The following BAALC variants were observed in gnomAD, a reference collection of about 807,000 sequenced individuals.
BAALC encodes the protein brain and acute leukemia cytoplasmic protein.
Under a neutral mutation model 15.5 loss-of-function variants are expected in BAALC, and 9 were observed. The ratio of observed to expected loss-of-function variants is 0.58; its 90% CI spans 0.35 to 1.02. The LOEUF is 1.02. Ranked by LOEUF, BAALC falls within the 50% of genes least tolerant of loss-of-function variation. BAALC has a pLI of 0.02. For synonymous variants in BAALC, 80 were observed against 74.6 expected (o/e 1.07, Z -0.37); for missense variants, 201 against 192.4 (o/e 1.04, Z -0.27).
intron 1 of BAALC, 68 bp downstream of exon 1, chr8:103,141,125 G>C: frequency 1.5e-6 from 2 of 1,370,950 alleles, no homozygotes; most frequent in Non-Finnish European, 1.9e-6. Flanking sequence ...CGGGCACTGA[G>C]AGAGGAGCCG....
At chr8:103,212,592 T>C (rs1477343529) in intron 1 of BAALC, among the ~76,000 whole-genome samples, 1 of 152,148 alleles carries the variant, frequency 6.6e-6, no homozygotes, top group Non-Finnish European at 1.5e-5. Context: ...ATTATGAAAA[T>C]GTGGAAACAA....
chr8:103,150,237 C>T (rs1207869004), intron 1 of BAALC, among the ~76,000 whole-genome samples: 3 of 152,146 alleles, frequency 2.0e-5, no homozygotes, highest in Non-Finnish European at 2.9e-5. Flanking sequence ...TCCCACCTGG[C>T]CCCTCCCACA....
chr8:103,204,673 T>C (rs543663997), intron 1 of BAALC, among the ~76,000 whole-genome samples: 4 of 152,232 alleles, frequency 2.6e-5, no homozygotes, highest in Non-Finnish European at 4.4e-5. Context: ...TGAAAAACTA[T>C]TCTTTACCCA....
rs562123438 is a variant in BAALC at position 103,215,504 on chromosome 8, C to T, written c.327+2419C>T. ...AGACAACACCCTCCCGCCACCCCCA[C>T]CACTGCCACCATGGTCAGCTGTAAC... On this transcript the variant is annotated intron_variant, in intron 2 of 2. Coordinates refer to ENST00000309982, the MANE Select transcript of BAALC (RefSeq NM_024812.3). Among the ~76,000 whole-genome samples the T allele has an allele frequency of 1.6e-4, 25 of 152,334 alleles. 1 individual carries two copies. The highest frequency in any genetic ancestry group is 1.5e-3 in the Admixed American group (23 of 15,306).
At chr8:103,158,579 A>T (rs1170366199) in intron 1 of BAALC, among the ~76,000 whole-genome samples, 1 of 152,182 alleles carries the variant, frequency 6.6e-6, no homozygotes, top group Non-Finnish European at 1.5e-5. Context: ...AAGCACCATG[A>T]TACCTGGACA....
Position 103,200,808 on chromosome 8 carries a change from A to G in BAALC, c.161-12111A>G, listed in dbSNP as rs1294768754. The G allele has an allele frequency of 4.6e-6, 3 of 647,742 alleles. No individual in the cohort carries two copies. The Admixed American group carries it at 6.1e-5, about 13-fold the overall frequency. 40.1% of individuals were successfully genotyped at this position (647,742 alleles called of 1,614,324 possible). On this transcript the variant is annotated intron_variant, in intron 1 of 2. Coordinates refer to ENST00000309982, the MANE Select transcript of BAALC (RefSeq NM_024812.3). ...CAACCTCTTTTATAAGGGCACCAAT[A>G]TCGTTCATGAAGACAGAACCGTCAT...
At chr8:103,157,742 G>A (rs1482886858) in intron 1 of BAALC, among the ~76,000 whole-genome samples, 2 of 152,162 alleles carry the variant, frequency 1.3e-5, no homozygotes, top group African/African-American at 4.8e-5. Flanking sequence ...GGGAGGCAGA[G>A]GTTACAGTGA....
At chr8:103,185,252 G>A (rs934738517) in intron 1 of BAALC, among the ~76,000 whole-genome samples, 4 of 151,860 alleles carry the variant, frequency 2.6e-5, no homozygotes, top group East Asian at 1.9e-4. Context: ...TAACCATTCC[G>A]AACTCTCCCG....
At chr8:103,178,369 T>C (rs1308118270) in intron 1 of BAALC, among the ~76,000 whole-genome samples, 1 of 152,146 alleles carries the variant, frequency 6.6e-6, no homozygotes, top group Non-Finnish European at 1.5e-5. Context: ...TAGGATTAAG[T>C]ACAAATATAC....
intron 1 of BAALC, among the ~76,000 whole-genome samples, chr8:103,199,806 T>A (rs1812175085): frequency 3.4e-5 from 4 of 118,180 alleles, no homozygotes; most frequent in South Asian, 2.8e-4. Flanking sequence ...TTTTCCTCCC[T>A]CCCACCCTCC....
intron 1 of BAALC, among the ~76,000 whole-genome samples, chr8:103,205,801 G>A (rs1370010730): frequency 2.6e-5 from 4 of 152,170 alleles, no homozygotes; most frequent in Non-Finnish European, 5.9e-5. Context: ...AATACCACAA[G>A]CTTTGGAAAC....
intron 1 of BAALC, among the ~76,000 whole-genome samples, chr8:103,171,408 A>T (rs951835233): frequency 1.9e-4 from 14 of 72,572 alleles, no homozygotes; most frequent in Non-Finnish European, 4.5e-4. Flanking sequence ...AAGGAAAGAA[A>T]GAAAAGAGAG....
At chr8:103,171,721 G>A (rs986485206) in intron 1 of BAALC, among the ~76,000 whole-genome samples, 7 of 152,166 alleles carry the variant, frequency 4.6e-5, no homozygotes, top group African/African-American at 1.7e-4. Flanking sequence ...ACAATGATAA[G>A]AGCCCCAGGA....
intron 1 of BAALC, among the ~76,000 whole-genome samples, chr8:103,171,388 G>GGAAGGAAGGAAA (rs1256815853): frequency 8.2e-6 from 1 of 121,478 alleles, no homozygotes; most frequent in Non-Finnish European, 1.8e-5. Flanking sequence ...AGGCAAGAGA[G>GGAAGGAAGGAAA]GAAGGAAGGA....
At chr8:103,153,476 A>G (rs1811024539) in intron 1 of BAALC, among the ~76,000 whole-genome samples, 1 of 152,254 alleles carries the variant, frequency 6.6e-6, no homozygotes, top group Non-Finnish European at 1.5e-5. Context: ...CTAATATTGA[A>G]ATAATTTTTA....
At chr8:103,158,685 AATACATACATACATAC>A (rs76527054) in intron 1 of BAALC, among the ~76,000 whole-genome samples, 1 of 150,664 alleles carries the variant, frequency 6.6e-6, no homozygotes, top group African/African-American at 2.4e-5. Context: ...CAATACATAC[AATACATACATACATAC>A]ATACATACAT....
chr8:103,160,789 C>T (rs1018615532), intron 1 of BAALC, among the ~76,000 whole-genome samples: 4 of 152,084 alleles, frequency 2.6e-5, no homozygotes, highest in African/African-American at 9.7e-5. Flanking sequence ...GCACCCAGCA[C>T]GGGAGAAAGA....
rs183645762 is a variant in BAALC at position 103,179,690 on chromosome 8, C to T, written c.161-33229C>T. ...AGCAGTCACTATGAAGTCTTTAAAA[C>T]TTTGTGGGTACCAATTATGTGCCAG... On this transcript the variant is annotated intron_variant, in intron 1 of 2. Transcript: ENST00000309982. Among the ~76,000 whole-genome samples, 3 of 152,364 alleles carry T rather than the reference C, an allele frequency of 2.0e-5. No homozygotes were observed. In the East Asian group the frequency reaches 5.8e-4, roughly 29 times the overall value.
At chr8:103,171,376 A>AAGAGAGGAAGG (rs1447818473) in intron 1 of BAALC, among the ~76,000 whole-genome samples, 182 of 96,296 alleles carry the variant, frequency 1.9e-3, no homozygotes, top group African/African-American at 6.3e-3. Context: ...AGAAAGAAAG[A>AAGAGAGGAAGG]AAGGCAAGAG....
Sources: allele counts gnomAD v4.1 joint callset (sites outside exome capture counted in the v4.1 genomes callset), GRCh38; gene constraint gnomAD v4.1.1; transcripts MANE v1.5; gene names NCBI Gene and HGNC (gene_info 2026-07-23, HGNC 2026-07-21).